UBE2E2: variants seen among roughly 807,000 people sequenced by gnomAD.
The protein encoded by UBE2E2 is ubiquitin conjugating enzyme E2 E2, also known as ubiquitin-conjugating enzyme E2 E2.
In UBE2E2, 6 loss-of-function variants were observed where a neutral mutation model predicts 24.7. The ratio of observed to expected loss-of-function variants is 0.24; its 90% CI spans 0.13 to 0.48. The LOEUF is 0.48. UBE2E2 is among the 20% of genes least tolerant of loss of function. UBE2E2 has a pLI of 0.99. For missense variants in UBE2E2, 169 were observed against 245.0 expected (o/e 0.69, Z 2.07); for synonymous variants, 104 against 83.6 (o/e 1.24, Z -1.33).
Position 23,474,255 on chromosome 3 carries a change from T to C in UBE2E2, c.228-25353T>C, listed in dbSNP as rs935940656. On this transcript the variant is annotated intron_variant, in intron 3 of 5. Coordinates refer to ENST00000396703, the MANE Select transcript of UBE2E2 (RefSeq NM_152653.4). This position sits in a 1 kb window ranked among gnomAD's most constrained non-coding sequence, Gnocchi z 4.0. ...GGGATTGTTGTTTTTCTCCTGTTAA[T>C]TGTTTAAGTACCTTGTAGATTCTGG... is the stretch of plus-strand genomic sequence containing the variant. 6.6e-6 allele frequency among the ~76,000 whole-genome samples: 1 copy of C among 152,048 alleles called. No homozygotes were observed. The highest frequency in any genetic ancestry group is 1.5e-5 in the Non-Finnish European group (1 of 68,028).
At chr3:23,478,902 T>A (rs1426346614) in intron 3 of UBE2E2, among the ~76,000 whole-genome samples, 1 of 151,248 alleles carries the variant, frequency 6.6e-6, no homozygotes, top group Non-Finnish European at 1.5e-5. Context: ...ATATATTTTT[T>A]TTTTAATTAG....
At chr3:23,234,687 A>G (rs1001666041) in intron 3 of UBE2E2, among the ~76,000 whole-genome samples, 2 of 152,164 alleles carry the variant, frequency 1.3e-5, no homozygotes, top group African/African-American at 4.8e-5. Flanking sequence ...TTGCTGTACT[A>G]ATCTCTAATG....
chr3:23,273,266 G>A (rs778178090), intron 3 of UBE2E2, among the ~76,000 whole-genome samples: 27 of 152,164 alleles, frequency 1.8e-4, no homozygotes, highest in African/African-American at 2.9e-4. Context: ...GGGGCCGGGC[G>A]CAGTGGCTCA....
intron 5 of UBE2E2, among the ~76,000 whole-genome samples, chr3:23,570,214 G>C (rs1696190201): frequency 6.6e-6 from 1 of 152,166 alleles, no homozygotes; most frequent in Admixed American, 6.5e-5. Flanking sequence ...AGTGAGAACA[G>C]TGTCCCTTTA....
intron 5 of UBE2E2, among the ~76,000 whole-genome samples, chr3:23,568,397 G>A (rs1046633918): frequency 2.6e-5 from 4 of 151,960 alleles, no homozygotes; most frequent in Non-Finnish European, 5.9e-5. Context: ...TGAACAAAAG[G>A]TGTGCATTAT....
intron 3 of UBE2E2, among the ~76,000 whole-genome samples, chr3:23,488,032 T>C (rs1439533380): frequency 6.6e-6 from 1 of 151,952 alleles, no homozygotes; most frequent in African/African-American, 2.4e-5. Flanking sequence ...CAACCAACCT[T>C]TTTAGGAATA....
At chr3:23,488,822 T>C (rs749559931) in intron 3 of UBE2E2, among the ~76,000 whole-genome samples, 1 of 152,200 alleles carries the variant, frequency 6.6e-6, no homozygotes, top group African/African-American at 2.4e-5. Context: ...AAATATTCTT[T>C]GCTACATTTG....
intron 3 of UBE2E2, among the ~76,000 whole-genome samples, chr3:23,366,885 CAG>C (rs1159890229): frequency 3.9e-5 from 6 of 152,132 alleles, no homozygotes; most frequent in Non-Finnish European, 7.4e-5. Flanking sequence ...ATTTGTATAA[CAG>C]AAACTATGTT....
At position 23,583,028 on chromosome 3, in the gene UBE2E2, C is replaced by T. The variant is rs531997515; in HGVS notation, c.509-6706C>T. Among the ~76,000 whole-genome samples, 5 of 152,100 alleles carry T rather than the reference C, an allele frequency of 3.3e-5. No homozygotes were observed. Among genetic ancestry groups the T allele is most frequent in the Admixed American group, 2.6e-4 (4 of 15,264 alleles). On this transcript the variant is annotated intron_variant, in intron 5 of 5. Coordinates refer to ENST00000396703, the MANE Select transcript of UBE2E2 (RefSeq NM_152653.4). The surrounding 1 kb of genome is among the most constrained non-coding windows in gnomAD (Gnocchi z 4.1). Reference sequence around the variant, plus strand: ...AGGGCCTGTGTCCAGAATGGTATTTCCTAAGTTGTCTTCCAGGGTTTTCAT... The same window carrying T: ...AGGGCCTGTGTCCAGAATGGTATTTTCTAAGTTGTCTTCCAGGGTTTTCAT...
At chr3:23,289,781 A>G (rs190140622) in intron 3 of UBE2E2, among the ~76,000 whole-genome samples, 3 of 152,358 alleles carry the variant, frequency 2.0e-5, no homozygotes, top group South Asian at 4.1e-4. Flanking sequence ...TTGTAAAGGA[A>G]TGGTGTCTAC....
At chr3:23,388,824 G>C (rs1473671325) in intron 3 of UBE2E2, among the ~76,000 whole-genome samples, 1 of 151,392 alleles carries the variant, frequency 6.6e-6, no homozygotes, top group Admixed American at 6.6e-5. Context: ...GACCAACATG[G>C]TGAAACCCCG....
intron 3 of UBE2E2, among the ~76,000 whole-genome samples, chr3:23,335,016 G>C (rs189342859): frequency 6.6e-6 from 1 of 152,242 alleles, no homozygotes; most frequent in East Asian, 1.9e-4. Flanking sequence ...AGCTCTGGCA[G>C]ATATCACATT....
At chr3:23,258,114 C>T (rs1471008032) in intron 3 of UBE2E2, among the ~76,000 whole-genome samples, 1 of 152,112 alleles carries the variant, frequency 6.6e-6, no homozygotes, top group Non-Finnish European at 1.5e-5. Flanking sequence ...GATTGGAATG[C>T]TAGCAGGATG....
In UBE2E2 at chr3:23,208,855, A is replaced by G. The variant is rs1696231766; in HGVS notation, c.156A>G (p.Lys52=). ...EGKISSKTAA[K]LSTSAKRIQK... ...AAATATCCAGCAAAACCGCTGCTAA[A>G]TTGTCAACTAGTGCTAAAAGGTACT... The change falls in exon 2 of 6, where the codon AAA becomes AAG. Residue 52 remains lysine, a synonymous_variant. Coordinates refer to ENST00000396703, the MANE Select transcript of UBE2E2 (RefSeq NM_152653.4). 10 of 1,612,936 alleles carry G rather than the reference A, an allele frequency of 6.2e-6. No homozygotes were observed. The African/African-American group carries it at 6.7e-5, about 11-fold the overall frequency.
At chr3:23,542,100 C>T (rs1243386711) in intron 5 of UBE2E2, among the ~76,000 whole-genome samples, 3 of 152,204 alleles carry the variant, frequency 2.0e-5, no homozygotes, top group Non-Finnish European at 4.4e-5. Flanking sequence ...GCTTACAATG[C>T]ATGAATAACC....
chr3:23,440,753 T>C (rs980297832), intron 3 of UBE2E2, among the ~76,000 whole-genome samples: 1 of 152,146 alleles, frequency 6.6e-6, no homozygotes, highest in African/African-American at 2.4e-5. Context: ...TTTAAATAAC[T>C]GTAAAGAGCT....
chr3:23,304,838 T>C (rs1456267763), intron 3 of UBE2E2, among the ~76,000 whole-genome samples: 2 of 151,974 alleles, frequency 1.3e-5, no homozygotes, highest in African/African-American at 4.8e-5. Context: ...ATACATTTAT[T>C]CACTTATTCA....
chr3:23,380,696 C>T (rs1696647381), intron 3 of UBE2E2, among the ~76,000 whole-genome samples: 1 of 152,178 alleles, frequency 6.6e-6, no homozygotes, highest in Admixed American at 6.5e-5. Context: ...AATGCTTATG[C>T]ACCTACTATC....
intron 3 of UBE2E2, among the ~76,000 whole-genome samples, chr3:23,460,061 C>T (rs767086488): frequency 7.9e-5 from 12 of 152,172 alleles, no homozygotes; most frequent in East Asian, 1.9e-4. Flanking sequence ...GTGACTAAGC[C>T]GGCTGTGTAC....
Sources: gnomAD v4.1 joint callset for allele counts (sites outside exome capture counted in the v4.1 genomes callset) on GRCh38, gnomAD v4.1.1 for gene constraint, Gnocchi (gnomAD v3.1) non-coding constraint, MANE v1.5 for transcripts, NCBI Gene and HGNC (gene_info 2026-07-23, HGNC 2026-07-21) for gene names.